The following CASP10 variants were observed in gnomAD, a reference collection of about 807,000 sequenced individuals.
CASP10 encodes the protein caspase 10, also known as caspase-10.
A neutral mutation model predicts 48.5 loss-of-function variants in CASP10; 41 were observed. That is an observed-to-expected ratio of 0.85 (90% CI 0.66 to 1.10). The LOEUF (loss-of-function observed/expected upper bound fraction) is 1.10, where lower values mean the gene tolerates loss of function less well. Among genes scored for constraint, CASP10 ranks in the 50% least tolerant of loss-of-function variants. The pLI is 0.00. For missense variants in CASP10, 614 were observed against 614.5 expected, an observed-to-expected ratio of 1.00 and a Z score of 0.01; for synonymous variants, 232 against 238.4, an observed-to-expected ratio of 0.97 and a Z score of 0.25.
At position 201,208,093 on chromosome 2, in the gene CASP10, A is replaced by C; in HGVS notation, c.832A>C (p.Met278Leu). The change falls in exon 8 of 10, where the codon ATG becomes CTG. Residue 278 changes from methionine to leucine, a missense_variant. Coordinates refer to ENST00000286186, the MANE Select transcript of CASP10 (RefSeq NM_032977.4). ...TSTKRAAVYRMNRNHRGLCVI... is the reference protein window; with the variant it reads ...TSTKRAAVYRLNRNHRGLCVI... ...CTTCAAGAGGGCAGCTGTGTACAGG[A>C]TGAATCGGAACCACAGAGGCCTCTG... 1.2e-6 allele frequency: 2 copies of C among 1,613,728 alleles called. No individual in the cohort carries two copies. The highest frequency in any genetic ancestry group is 1.7e-6 in the Non-Finnish European group (2 of 1,179,662).
Position 201,215,905 on chromosome 2 carries a change from C to T in CASP10, c.1416-1683C>T, listed in dbSNP as rs1945555070. Among the ~76,000 whole-genome samples, 4 of 152,050 alleles carry T rather than the reference C, an allele frequency of 2.6e-5. No homozygotes were observed. The South Asian group carries it at 6.2e-4, about 24-fold the overall frequency. ...CAAGCAATCCTCCCACCTCAGACTCCTGAGTAGCTAGGACTACAGGCATTT... is the reference window on the plus strand; with the variant it reads ...CAAGCAATCCTCCCACCTCAGACTCTTGAGTAGCTAGGACTACAGGCATTT... On this transcript the variant is annotated intron_variant, in intron 9 of 9. Coordinates refer to ENST00000286186, the MANE Select transcript of CASP10 (RefSeq NM_032977.4).
intron 5 of CASP10, among the ~76,000 whole-genome samples, chr2:201,203,041 G>A (rs1012414328): frequency 1.4e-4 from 22 of 151,892 alleles, no homozygotes; most frequent in Non-Finnish European, 3.1e-4. Context: ...ATTTCATTTT[G>A]CTTTCTCCAT....
At chr2:201,200,615 T>G in intron 5 of CASP10, 2 of 1,479,946 alleles carry the variant, frequency 1.4e-6, no homozygotes, top group African/African-American at 1.4e-5. Context: ...CTGAACCTCA[T>G]TCGGCAGGTG....
chr2:201,220,864 G>A lies in CASP10; in HGVS notation c.*3123G>A, dbSNP rs1034266229. On this transcript the variant is annotated 3_prime_UTR_variant, in exon 10 of 10. Coordinates refer to ENST00000286186, the MANE Select transcript of CASP10 (RefSeq NM_032977.4). ...GGCAAGTGAAGGATGGTGAGATACTGAGGAAAGAGCAAAGGATCTGGAGAT... is the reference window on the plus strand; with the variant it reads ...GGCAAGTGAAGGATGGTGAGATACTAAGGAAAGAGCAAAGGATCTGGAGAT... 1.0e-6 allele frequency: 1 copy of A among 985,508 alleles called. No homozygotes were observed. The highest frequency in any genetic ancestry group is 1.1e-4 in the East Asian group (1 of 8,826). The allele number at this position is 985,508 out of a possible 1,614,324, so 61.0% of individuals were successfully genotyped here.
chr2:201,225,010 A>G (rs1945770328), downstream of CASP10, among the ~76,000 whole-genome samples: 1 of 152,168 alleles, frequency 6.6e-6, no homozygotes, highest in Admixed American at 6.5e-5. Context: ...TCATGCATCC[A>G]GTAAACTTTG....
chr2:201,197,186 A>ATGTTAAGGTTTGCTATGTT (rs1559300286), intron 5 of CASP10, among the ~76,000 whole-genome samples: 1 of 151,614 alleles, frequency 6.6e-6, no homozygotes, highest in Admixed American at 6.6e-5. Context: ...TATGTTGCCC[A>ATGTTAAGGTTTGCTATGTT]GGCTGGTCTC....
chr2:201,210,982 T>C (rs1349636767), intron 9 of CASP10, among the ~76,000 whole-genome samples: 1 of 152,200 alleles, frequency 6.6e-6, no homozygotes, highest in Non-Finnish European at 1.5e-5. Context: ...TAACTACATA[T>C]TTCAGGGTTA....
In CASP10 at chr2:201,221,219, T is replaced by G. The variant is rs886055431; in HGVS notation, c.*3478T>G. The G allele has an allele frequency of 3.0e-6, 3 of 985,320 alleles. No individual in the cohort carries two copies. In the Admixed American group the frequency reaches 1.8e-4, roughly 61 times the overall value. 61.0% of individuals were successfully genotyped at this position (985,320 alleles called of 1,614,324 possible). On this transcript the variant is annotated 3_prime_UTR_variant, in exon 10 of 10. Coordinates refer to ENST00000286186, the MANE Select transcript of CASP10 (RefSeq NM_032977.4). ...CTCTGAGTAAGATCTAATTCTTCCCTCACTGGTTCGTGATGTCTACCGCAG... is the reference window on the plus strand; with the variant it reads ...CTCTGAGTAAGATCTAATTCTTCCCGCACTGGTTCGTGATGTCTACCGCAG...
In CASP10 at chr2:201,219,767, A is replaced by G; in HGVS notation, c.*2026A>G. On this transcript the variant is annotated 3_prime_UTR_variant, in exon 10 of 10. Transcript: ENST00000286186. Reference sequence around the variant, plus strand: ...TTTCTCTGTTAATTCCTGGAACTGTATTTTGAATCCTTAAAGGTGAGCCCT... The same window carrying G: ...TTTCTCTGTTAATTCCTGGAACTGTGTTTTGAATCCTTAAAGGTGAGCCCT... 1 of 934,988 alleles carries G rather than the reference A, an allele frequency of 1.1e-6. No homozygotes were observed. The highest frequency in any genetic ancestry group is 1.2e-6 in the Non-Finnish European group (1 of 812,294). The allele number at this position is 934,988 out of a possible 1,614,324, so 57.9% of individuals were successfully genotyped here.
Position 201,193,083 on chromosome 2 carries a change from C to T in CASP10, c.541C>T (p.Leu181Phe). 1 of 1,613,862 alleles carries T rather than the reference C, an allele frequency of 6.2e-7. No homozygotes were observed. Among genetic ancestry groups the T allele is most frequent in the South Asian group, 1.1e-5 (1 of 91,070 alleles). Residue 181 changes from leucine (L) to phenylalanine (F), a missense_variant, in exon 4 of 10, where the codon CTT becomes TTT. Physicochemically the swap from Leu to Phe is conservative, Grantham distance 22. Coordinates refer to ENST00000286186, the MANE Select transcript of CASP10 (RefSeq NM_032977.4). The part of the protein sequence containing the change: ...EDLCKTVVPK[L>F]LRNIEKYKRE... ...CCTCTGCAAAACAGTTGTACCTAAA[C>T]TTTTGAGAAACATAGAGAAATACAA...
In CASP10 at chr2:201,209,149, G is replaced by T; in HGVS notation, c.1002G>T (p.Met334Ile). ...ATGTGACGAAAGTGGAAATGGAGATGGTCCTGCAGAAGCAGAAGTGCAATC... is the reference window on the plus strand; with the variant it reads ...ATGTGACGAAAGTGGAAATGGAGATTGTCCTGCAGAAGCAGAAGTGCAATC... ...HNNVTKVEME[M>I]VLQKQKCNPA... is the part of the protein sequence containing the mutation. Residue 334 changes from methionine (M) to isoleucine (I), a missense_variant, in exon 9 of 10, where the codon ATG becomes ATT. Physicochemically the swap from Met to Ile is conservative, Grantham distance 10 (BLOSUM62 1). Coordinates refer to ENST00000286186, the MANE Select transcript of CASP10 (RefSeq NM_032977.4). 1.9e-6 allele frequency: 3 copies of T among 1,611,518 alleles called. No individual in the cohort carries two copies. Among genetic ancestry groups the T allele is most frequent in the Non-Finnish European group, 2.5e-6 (3 of 1,179,020 alleles).
At chr2:201,211,070 T>C (rs754527363) in intron 9 of CASP10, among the ~76,000 whole-genome samples, 16 of 152,192 alleles carry the variant, frequency 1.1e-4, no homozygotes, top group Non-Finnish European at 7.4e-5. Flanking sequence ...ACCTCATGCA[T>C]TTATCATTTC....
exon 10 of CASP10, chr2:201,229,365 T>C (rs1052531161): frequency 1.8e-5 from 9 of 489,320 alleles, no homozygotes; most frequent in Non-Finnish European, 2.9e-5. Context: ...AAATGGTCCA[T>C]GGGGAAAAGT....
At chr2:201,197,285 T>C (rs369594966) in intron 5 of CASP10, among the ~76,000 whole-genome samples, 3 of 151,438 alleles carry the variant, frequency 2.0e-5, no homozygotes, top group African/African-American at 2.4e-5. Context: ...CCACATACCA[T>C]ATAATGAAAC....
rs574770979 is a variant in CASP10 at position 201,190,849 on chromosome 2, A to AATTATTATT, written c.442-2116_442-2108dup. Among the ~76,000 whole-genome samples, 55 of 150,120 alleles carry AATTATTATT rather than the reference A, an allele frequency of 3.7e-4. 1 individual carries two copies. The highest frequency in any genetic ancestry group is 1.3e-3 in the African/African-American group (53 of 40,950). On this transcript the variant is annotated intron_variant, in intron 3 of 9. Coordinates refer to ENST00000286186, the MANE Select transcript of CASP10 (RefSeq NM_032977.4). ...TACTTGAAGGCATCTGTGGCTACAG[A>AATTATTATT]ATTATTATTATTATTATTATTATTA... is the stretch of plus-strand genomic sequence containing the variant.
At chr2:201,185,639 T>A (rs1041715871) in intron 1 of CASP10, 132 bp from the exon 2 acceptor site, 2 of 703,310 alleles carry the variant, frequency 2.8e-6, no homozygotes, top group Non-Finnish European at 2.6e-6. Flanking sequence ...CCGTAATTTT[T>A]ATTTTTCAGC....
chr2:201,193,116 A>G lies in CASP10; in HGVS notation c.574A>G (p.Lys192Glu). The change falls in exon 4 of 10, where the codon AAA becomes GAA. Residue 192 changes from lysine to glutamate, a missense_variant. Transcript: ENST00000286186. ...AAACATAGAGAAATACAAAAGAGAG[A>G]AAGGTAAGTAGCTTGTGATTGCTAA... is the stretch of plus-strand genomic sequence containing the variant. ...LRNIEKYKRE[K>E]AIQIVTPPVD... The G allele has an allele frequency of 6.2e-7, 1 of 1,613,446 alleles. No individual in the cohort carries two copies. Among genetic ancestry groups the G allele is most frequent in the Non-Finnish European group, 8.5e-7 (1 of 1,179,550 alleles).
rs1944905823 is a variant in CASP10 at position 201,198,827 on chromosome 2, AC to A, written c.684+2881del. Reference sequence around the variant, plus strand: ...AGTGCTGGGATTACAGGCGTGAGCCACCGCGCCCGGCCTATATTTTATTCTT... The same window carrying A: ...AGTGCTGGGATTACAGGCGTGAGCCACGCGCCCGGCCTATATTTTATTCTT... On this transcript the variant is annotated intron_variant, in intron 5 of 9. Coordinates refer to ENST00000286186, the MANE Select transcript of CASP10 (RefSeq NM_032977.4). Among the ~76,000 whole-genome samples the A allele has an allele frequency of 2.0e-5, 3 of 152,278 alleles. No homozygotes were observed. In the South Asian group the frequency reaches 6.2e-4, roughly 32 times the overall value.
rs1945662565 is a variant in CASP10 at position 201,219,307 on chromosome 2, T to C, written c.*1566T>C. The C allele has an allele frequency of 7.8e-6, 3 of 386,528 alleles. No homozygotes were observed. The highest frequency in any genetic ancestry group is 1.1e-5 in the Non-Finnish European group (3 of 282,796). The allele number at this position is 386,528 out of a possible 1,614,324, so 23.9% of individuals were successfully genotyped here. A position where few individuals can be genotyped will look rare whatever the true frequency, so the allele number is the denominator to read the frequency against. ...AATATTGGGGTTGGAACATTTCAGT[T>C]GCCATTGACAGAACACCCAATTCAA... On this transcript the variant is annotated 3_prime_UTR_variant, in exon 10 of 10. Transcript: ENST00000286186.
Sources: gnomAD v4.1 joint callset for allele counts (sites outside exome capture counted in the v4.1 genomes callset) on GRCh38, gnomAD v4.1.1 for gene constraint, MANE v1.5 for transcripts, NCBI Gene and HGNC (gene_info 2026-07-23, HGNC 2026-07-21) for gene names.